Variants in NAT10 observed in about 807,000 individuals in gnomAD.
The protein encoded by NAT10 is N-acetyltransferase 10, also known as RNA cytidine acetyltransferase.
In NAT10, 109 loss-of-function variants were observed where a neutral mutation model predicts 132.2. The observed-to-expected ratio is 0.82, with a 90% CI of 0.71 to 0.97. The LOEUF (loss-of-function observed/expected upper bound fraction) is 0.97. NAT10 is among the 50% of genes least tolerant of loss of function. The pLI is 0.00. For missense variants in NAT10, 1,184 were observed against 1,263.4 expected, an observed-to-expected ratio of 0.94 and a Z score of 0.95; for synonymous variants, 479 against 478.0, an observed-to-expected ratio of 1.00 and a Z score of -0.03.
At chr11:34,137,183 C>T (rs1229013534) in intron 21 of NAT10, among the ~76,000 whole-genome samples, 157 bp downstream of exon 21, 2 of 152,222 alleles carry the variant, frequency 1.3e-5, no homozygotes, top group African/African-American at 4.8e-5. Context: ...TGGAAACAGC[C>T]ATCCTCAGTG....
chr11:34,115,258 T>C (rs1370856626), intron 5 of NAT10, among the ~76,000 whole-genome samples: 1 of 152,216 alleles, frequency 6.6e-6, no homozygotes, highest in Non-Finnish European at 1.5e-5. Context: ...TTAGTAAGCA[T>C]TCCTTAGATA....
intron 6 of NAT10, among the ~76,000 whole-genome samples, chr11:34,117,223 T>G (rs1214634708): frequency 6.8e-6 from 1 of 147,226 alleles, no homozygotes; most frequent in African/African-American, 2.5e-5. Flanking sequence ...ATTTATTTTT[T>G]TGAGGGGTGT....
intron 3 of NAT10, among the ~76,000 whole-genome samples, chr11:34,111,603 G>A (rs1851696800): frequency 6.6e-6 from 1 of 152,084 alleles, no homozygotes; most frequent in Admixed American, 6.5e-5. Context: ...CACATTCTCG[G>A]GGAGGAAGTC....
rs370072701 is a variant in NAT10 at position 34,140,592 on chromosome 11, C to A, written c.2592+20C>A. ...CAGTCGGTATGCTATCTGTTGCTTGCGTGGAGGAGAAGCGAGGATTGTGGA... is the reference window on the plus strand; with the variant it reads ...CAGTCGGTATGCTATCTGTTGCTTGAGTGGAGGAGAAGCGAGGATTGTGGA... On this transcript the variant is annotated intron_variant, in intron 24 of 28. Transcript: ENST00000257829. 1 of 1,607,582 alleles carries A rather than the reference C, an allele frequency of 6.2e-7. No homozygotes were observed. Among genetic ancestry groups the A allele is most frequent in the Non-Finnish European group, 8.5e-7 (1 of 1,174,910 alleles).
intron 19 of NAT10, 91 bp downstream of exon 19, chr11:34,135,382 G>A: frequency 1.0e-6 from 1 of 969,158 alleles, no homozygotes; most frequent in Non-Finnish European, 1.6e-6. Flanking sequence ...CCAGTCCAGA[G>A]CTTTGGACCC....
chr11:34,118,143 C>A, intron 6 of NAT10, 37 bp from the exon 7 acceptor site: 1 of 1,510,604 alleles, frequency 6.6e-7, no homozygotes, highest in Non-Finnish European at 9.2e-7. Flanking sequence ...ATTGCATGCC[C>A]TCCCCAACAC....
chr11:34,141,020 T>C (rs1852317675), intron 24 of NAT10, 69 bp from the exon 25 acceptor site: 1 of 1,605,866 alleles, frequency 6.2e-7, no homozygotes, highest in African/African-American at 1.3e-5. Context: ...AGTACTCTGG[T>C]TCTTGGCGCC....
In NAT10 at chr11:34,118,389, C is replaced by A. The variant is rs905199259; in HGVS notation, c.673-7C>A. 3.1e-6 allele frequency: 5 copies of A among 1,613,454 alleles called. No homozygotes were observed. The African/African-American group carries it at 4.0e-5, about 13-fold the overall frequency. ...GACAGACCTTCCCCTTCTCCTCTCT[C>A]TGGTAGGATGAGAGTCTTGGTCCTT... On this transcript the variant is annotated splice_region_variant and splice_polypyrimidine_tract_variant and intron_variant, in intron 7 of 28. Coordinates refer to ENST00000257829, the MANE Select transcript of NAT10 (RefSeq NM_024662.3).
intron 1 of NAT10, 144 bp from the exon 2 acceptor site, chr11:34,108,067 T>C (rs1462201310): frequency 3.7e-6 from 2 of 535,910 alleles, no homozygotes; most frequent in Non-Finnish European, 6.6e-6. Flanking sequence ...GAGGCTGATG[T>C]CTTCCTGTGG....
At chr11:34,119,200 A>T (rs1851840921) in intron 8 of NAT10, among the ~76,000 whole-genome samples, 1 of 152,144 alleles carries the variant, frequency 6.6e-6, no homozygotes, top group Admixed American at 6.5e-5. Flanking sequence ...TGCACTGGTA[A>T]ACTTGGCTTC....
At chr11:34,113,131 TG>T (rs978406213) in intron 4 of NAT10, among the ~76,000 whole-genome samples, 1 of 152,184 alleles carries the variant, frequency 6.6e-6, no homozygotes, top group African/African-American at 2.4e-5. Flanking sequence ...CTTGCTGCCA[TG>T]ATCAATTGCC....
intron 18 of NAT10, among the ~76,000 whole-genome samples, chr11:34,134,927 G>A (rs1852181520): frequency 1.3e-5 from 2 of 152,234 alleles, no homozygotes; most frequent in Non-Finnish European, 2.9e-5. Flanking sequence ...AGACCAGAAA[G>A]CACAGCCATC....
chr11:34,108,861 C>T (rs1284486656), intron 3 of NAT10, 28 bp downstream of exon 3: 1 of 1,575,904 alleles, frequency 6.3e-7, no homozygotes, highest in African/African-American at 1.4e-5. Context: ...TGTGTTTTAT[C>T]CAACTTACAA....
chr11:34,139,084 C>A, intron 21 of NAT10, 107 bp from the exon 22 acceptor site: 1 of 1,029,782 alleles, frequency 9.7e-7, no homozygotes, highest in Non-Finnish European at 1.5e-6. Context: ...AAGGAGAGGC[C>A]TGCGGAAGCA....
intron 10 of NAT10, 68 bp downstream of exon 10, chr11:34,123,923 A>G (rs1398571922): frequency 1.5e-6 from 2 of 1,295,860 alleles, no homozygotes; most frequent in East Asian, 4.7e-5. Context: ...TAATCCCAGC[A>G]CTTTGGGAGG....
intron 8 of NAT10, among the ~76,000 whole-genome samples, chr11:34,121,733 G>A (rs542594435): frequency 8.6e-5 from 13 of 151,774 alleles, no homozygotes; most frequent in African/African-American, 2.4e-4. Context: ...GGTGGTGTGC[G>A]CCTGTAATCC....
intron 19 of NAT10, 81 bp downstream of exon 19, chr11:34,135,372 C>A: frequency 8.6e-7 from 1 of 1,158,854 alleles, no homozygotes; most frequent in Non-Finnish European, 1.3e-6. Context: ...TCAACAAAAA[C>A]CAGTCCAGAG....
rs746905450 is a variant in NAT10, at chr11:34,136,723, G to T, written c.2110G>T (p.Glu704Ter). Residue 704 changes from glutamate (E) to a stop codon, truncating the protein, a stop_gained, in exon 20 of 29, where the codon GAA becomes TAA. Coordinates refer to ENST00000257829, the MANE Select transcript of NAT10 (RefSeq NM_024662.3). LOFTEE classifies it high-confidence loss of function. ...LLLKLNERPA[E>*]RLDYLGVSYG... ...CCTCAAATTGAATGAGAGGCCTGCC[G>T]AACGCCTGGATTACCTGGGTGTTTC... 6.2e-7 allele frequency: 1 copy of T among 1,614,114 alleles called. No homozygotes were observed. Among genetic ancestry groups the T allele is most frequent in the Non-Finnish European group, 8.5e-7 (1 of 1,180,018 alleles).
At chr11:34,143,644 A>G (rs938189331) in intron 28 of NAT10, 116 bp downstream of exon 28, 3 of 947,396 alleles carry the variant, frequency 3.2e-6, no homozygotes, top group Admixed American at 2.6e-5. Flanking sequence ...CAGAAAAGTC[A>G]TGGTTCTTCC....
Sources: allele counts gnomAD v4.1 joint callset (sites outside exome capture counted in the v4.1 genomes callset), GRCh38; gene constraint gnomAD v4.1.1; transcripts MANE v1.5; gene names NCBI Gene and HGNC (gene_info 2026-07-23, HGNC 2026-07-21).